Variants in ZNF804B observed in about 807,000 individuals in gnomAD.
ZNF804B encodes the protein zinc finger 804B.
ZNF804B carries 80 observed loss-of-function variants against 101.4 expected under a neutral mutation model. The ratio of observed to expected loss-of-function variants is 0.79; its 90% CI spans 0.66 to 0.95. The LOEUF (loss-of-function observed/expected upper bound fraction) is 0.95. ZNF804B is among the 40% of genes least tolerant of loss of function. ZNF804B has a pLI of 0.00. For missense variants in ZNF804B, 1,673 were observed against 1,561.9 expected, an observed-to-expected ratio of 1.07 and a Z score of -1.20; for synonymous variants, 622 against 558.8, an observed-to-expected ratio of 1.11 and a Z score of -1.59.
At chr7:88,926,938 GGGA>G (rs1562834121) in intron 1 of ZNF804B, among the ~76,000 whole-genome samples, 2 of 142,600 alleles carry the variant, frequency 1.4e-5, no homozygotes, top group African/African-American at 5.7e-5. Flanking sequence ...CCGGGTGGTG[GGGA>G]GCGGGGGGAA....
At chr7:89,174,741 A>G (rs946708885) in intron 1 of ZNF804B, among the ~76,000 whole-genome samples, 1 of 151,900 alleles carries the variant, frequency 6.6e-6, no homozygotes, top group Non-Finnish European at 1.5e-5. Context: ...CCTTTTCCAT[A>G]TCTTTGCCAA....
chr7:89,192,076 A>G (rs1230200733), intron 1 of ZNF804B, among the ~76,000 whole-genome samples: 2 of 152,222 alleles, frequency 1.3e-5, no homozygotes, highest in East Asian at 3.9e-4. Context: ...TATTAGGAGG[A>G]TGAAAAATAA....
At chr7:89,300,798 C>T (rs1562940631) in intron 2 of ZNF804B, among the ~76,000 whole-genome samples, 1 of 151,826 alleles carries the variant, frequency 6.6e-6, no homozygotes, top group Non-Finnish European at 1.5e-5. Flanking sequence ...TTTAATCAGG[C>T]AAAAGGCTTA....
chr7:88,879,879 A>T (rs543982938), intron 1 of ZNF804B, among the ~76,000 whole-genome samples: 1 of 152,150 alleles, frequency 6.6e-6, no homozygotes, highest in Non-Finnish European at 1.5e-5. Context: ...TTTCTCCAAA[A>T]AATACAAAAA....
At chr7:89,217,433 CAT>C (rs1209095682) in intron 1 of ZNF804B, among the ~76,000 whole-genome samples, 1 of 152,140 alleles carries the variant, frequency 6.6e-6, no homozygotes, top group African/African-American at 2.4e-5. Context: ...GAACCTTACT[CAT>C]AGGGTTGTTG....
intron 1 of ZNF804B, among the ~76,000 whole-genome samples, chr7:89,044,820 A>G (rs1018920013): frequency 6.6e-6 from 1 of 152,228 alleles, no homozygotes; most frequent in African/African-American, 2.4e-5. Flanking sequence ...GAAAATTTAC[A>G]GCCTGACAGT....
intron 2 of ZNF804B, among the ~76,000 whole-genome samples, chr7:89,228,389 C>T (rs1409458065): frequency 2.6e-5 from 4 of 152,038 alleles, no homozygotes; most frequent in Non-Finnish European, 5.9e-5. Flanking sequence ...TTGGTAGAGC[C>T]GAGTGGTCTG....
chr7:88,774,158 A>AT (rs1790109797), intron 1 of ZNF804B, among the ~76,000 whole-genome samples: 1 of 150,894 alleles, frequency 6.6e-6, no homozygotes. Context: ...ACAATTCTAA[A>AT]TTTTTATCTA....
At position 89,016,056 on chromosome 7, in the gene ZNF804B, G is replaced by A. The variant is rs904603522; in HGVS notation, c.109-202099G>A. ...AACTGGTGTGAGATGGTATCTCATT[G>A]TGGTTTTGATTTGCATTTCTCTGAT... On this transcript the variant is annotated intron_variant, in intron 1 of 3. Coordinates refer to ENST00000333190, the MANE Select transcript of ZNF804B (RefSeq NM_181646.5). 5.9e-5 allele frequency among the ~76,000 whole-genome samples: 9 copies of A among 152,326 alleles called. No homozygotes were observed. The East Asian group carries it at 1.7e-3, about 29-fold the overall frequency.
intron 1 of ZNF804B, among the ~76,000 whole-genome samples, chr7:88,961,664 C>G (rs1285036288): frequency 6.6e-6 from 1 of 151,366 alleles, no homozygotes; most frequent in African/African-American, 2.4e-5. Flanking sequence ...AATTTGCCCT[C>G]ATGGGCATGA....
chr7:89,120,533 C>T (rs1790387171), intron 1 of ZNF804B, among the ~76,000 whole-genome samples: 1 of 150,776 alleles, frequency 6.6e-6, no homozygotes. Context: ...TGGTGGGTGC[C>T]TGTAGTCCCA....
chr7:88,810,589 G>C (rs1231261943), intron 1 of ZNF804B, among the ~76,000 whole-genome samples: 1 of 151,902 alleles, frequency 6.6e-6, no homozygotes, highest in Non-Finnish European at 1.5e-5. Flanking sequence ...CTGAGTCCAG[G>C]GAGATTAAAG....
rs28618368 is a variant in ZNF804B, at chr7:88,784,326, A to G, written c.108+24242A>G. 2.1e-3 allele frequency among the ~76,000 whole-genome samples: 320 copies of G among 152,302 alleles called. 2 individuals are homozygous for G. Among genetic ancestry groups the G allele is most frequent in the African/African-American group, 7.4e-3 (309 of 41,580 alleles). On this transcript the variant is annotated intron_variant, in intron 1 of 3. Coordinates refer to ENST00000333190, the MANE Select transcript of ZNF804B (RefSeq NM_181646.5). ...CTTTCTGCACAGCTTAGTTTCTTCT[A>G]GAGATTAGTGCAATTATTTATCTAA...
chr7:89,113,679 G>T (rs575837599), intron 1 of ZNF804B, among the ~76,000 whole-genome samples: 2 of 152,082 alleles, frequency 1.3e-5, no homozygotes, highest in Admixed American at 6.5e-5. Flanking sequence ...CAGGCCAGGC[G>T]CTGTGGCTCA....
At chr7:88,834,259 G>A (rs567607681) in intron 1 of ZNF804B, among the ~76,000 whole-genome samples, 44 of 151,858 alleles carry the variant, frequency 2.9e-4, no homozygotes, top group African/African-American at 9.6e-4. Flanking sequence ...ATGACATGAA[G>A]GAATGTAGGC....
intron 2 of ZNF804B, among the ~76,000 whole-genome samples, chr7:89,293,976 T>A (rs1584109629): frequency 6.6e-6 from 1 of 152,202 alleles, no homozygotes; most frequent in East Asian, 1.9e-4. Context: ...CAACATTCTT[T>A]TAGCTGAAAT....
chr7:89,073,144 A>G (rs895808787), intron 1 of ZNF804B, among the ~76,000 whole-genome samples: 1 of 152,198 alleles, frequency 6.6e-6, no homozygotes, highest in African/African-American at 2.4e-5. Flanking sequence ...ACTACCTGAA[A>G]TAAATTAGTG....
chr7:89,249,758 G>A (rs561890556), intron 2 of ZNF804B, among the ~76,000 whole-genome samples: 6 of 152,050 alleles, frequency 3.9e-5, no homozygotes, highest in African/African-American at 1.2e-4. Flanking sequence ...AACTCCTAAG[G>A]TAGCTGAAGA....
intron 1 of ZNF804B, among the ~76,000 whole-genome samples, chr7:89,145,653 A>G (rs1790780001): frequency 6.6e-6 from 1 of 152,024 alleles, no homozygotes; most frequent in Admixed American, 6.6e-5. Context: ...AATCAATTTA[A>G]TACATTCATT....
Sources: allele counts gnomAD v4.1 joint callset (sites outside exome capture counted in the v4.1 genomes callset), GRCh38; gene constraint gnomAD v4.1.1; transcripts MANE v1.5; gene names NCBI Gene and HGNC (gene_info 2026-07-23, HGNC 2026-07-21).